BORA: variants seen among roughly 807,000 people sequenced by gnomAD.
BORA encodes the protein protein aurora borealis.
A neutral mutation model predicts 55.8 loss-of-function variants in BORA; 26 were observed. The observed-to-expected ratio is 0.47, with a 90% CI of 0.34 to 0.65. BORA has a LOEUF of 0.65. Among genes scored for constraint, BORA ranks in the 30% least tolerant of loss-of-function variants. BORA has a pLI of 0.01. For synonymous variants in BORA, 201 were observed against 216.9 expected (o/e 0.93, Z 0.64); for missense variants, 568 against 671.5 (o/e 0.85, Z 1.70).
At chr13:72,747,383 C>G (rs35887639) in intron 10 of BORA, among the ~76,000 whole-genome samples, 4,871 of 152,248 alleles carry the variant, frequency 0.032, 115 homozygotes, top group Non-Finnish European at 0.049. Context: ...CTAGAGAAAT[C>G]AATCCTGCTA....
chr13:72,742,193 A>G (rs1251443463), intron 5 of BORA, among the ~76,000 whole-genome samples: 1 of 125,200 alleles, frequency 8.0e-6, no homozygotes, highest in African/African-American at 3.1e-5. Context: ...TAGAATTGTT[A>G]GGTTACTACA....
At position 72,755,976 on chromosome 13, in the gene BORA, G is replaced by C; in HGVS notation, c.*760G>C. The stretch of plus-strand genomic sequence containing the variant: ...GAGAACCAAGAGAAAAAGTGGGGCT[G>C]GGAGAGTGGAGTTCCCGTAGGGCAT... On this transcript the variant is annotated 3_prime_UTR_variant, in exon 12 of 12. Transcript: ENST00000390667. 1 of 398,618 alleles carries C rather than the reference G, an allele frequency of 2.5e-6. No individual in the cohort carries two copies. The allele number at this position is 398,618 out of a possible 1,614,324, so 24.7% of individuals were successfully genotyped here. A position where few individuals can be genotyped will look rare whatever the true frequency, so the allele number is the denominator to read the frequency against.
chr13:72,748,505 A>G (rs1319927040), intron 10 of BORA, among the ~76,000 whole-genome samples: 1 of 152,200 alleles, frequency 6.6e-6, no homozygotes, highest in Non-Finnish European at 1.5e-5. Flanking sequence ...GAAGGATTCT[A>G]AATGACCCAA....
At chr13:72,735,422 G>A (rs2032901738) in intron 4 of BORA, among the ~76,000 whole-genome samples, 1 of 152,062 alleles carries the variant, frequency 6.6e-6, no homozygotes, top group South Asian at 2.1e-4. Flanking sequence ...TTGGCATTGG[G>A]AATGGCTTTG....
rs781769385 is a variant in BORA at position 72,744,564 on chromosome 13, A to G, written c.511+3A>G. 6.3e-7 allele frequency: 1 copy of G among 1,593,480 alleles called. No homozygotes were observed. Among genetic ancestry groups the G allele is most frequent in the South Asian group, 1.1e-5 (1 of 89,938 alleles). On this transcript the variant is annotated splice_donor_region_variant and intron_variant, in intron 7 of 11. Transcript: ENST00000390667. The stretch of plus-strand genomic sequence containing the variant: ...TTTTAATTTAGAAAATATATTAGGT[A>G]AATACTGTATTTGTTTAAACTTTTA...
At chr13:72,732,043 G>A (rs1264446042) in intron 3 of BORA, among the ~76,000 whole-genome samples, 2 of 152,004 alleles carry the variant, frequency 1.3e-5, no homozygotes, top group African/African-American at 2.4e-5. Flanking sequence ...TGTAGTTTTA[G>A]GGACTCTTGT....
Position 72,729,059 on chromosome 13 carries a change from C to T in BORA, c.119C>T (p.Ala40Val), listed in dbSNP as rs201154078. Residue 40 changes from alanine (A) to valine (V), a missense_variant, in exon 2 of 12, where the codon GCC (alanine) becomes GTC (valine). Coordinates refer to ENST00000390667, the MANE Select transcript of BORA (RefSeq NM_024808.5). ...DYSNLHEQTL[A>V]SPSVFKSTKL... ...TCTAATCTCCATGAACAAACTCTCG[C>T]CAGTCCTTCTGTTTTTAAATCAACA... 1.4e-4 allele frequency: 226 copies of T among 1,585,164 alleles called. 1 individual carries two copies. The highest frequency in any genetic ancestry group is 1.8e-4 in the Non-Finnish European group (215 of 1,170,772).
At chr13:72,738,465 A>C (rs1054809582) in intron 5 of BORA, among the ~76,000 whole-genome samples, 2 of 152,134 alleles carry the variant, frequency 1.3e-5, no homozygotes, top group Non-Finnish European at 2.9e-5. Context: ...ACTTAATATG[A>C]CCTCTGGGAC....
intron 9 of BORA, 118 bp downstream of exon 9, chr13:72,746,194 A>G: frequency 5.0e-6 from 5 of 1,003,732 alleles, no homozygotes. Flanking sequence ...ACCTTCTAAC[A>G]TTTAGGAACT....
chr13:72,749,949 G>A (rs1013688662), intron 10 of BORA, among the ~76,000 whole-genome samples: 9 of 152,120 alleles, frequency 5.9e-5, no homozygotes, highest in African/African-American at 2.2e-4. Context: ...CAGCAGTCAT[G>A]CATGTTTTTA....
intron 5 of BORA, among the ~76,000 whole-genome samples, chr13:72,741,262 C>T (rs2033028187): frequency 6.6e-6 from 1 of 152,200 alleles, no homozygotes; most frequent in African/African-American, 2.4e-5. Flanking sequence ...CCCAGCAGTC[C>T]CTAGGGTTCC....
At chr13:72,746,127 T>G (rs2033135776) in intron 9 of BORA, 51 bp downstream of exon 9, 1 of 1,479,356 alleles carries the variant, frequency 6.8e-7, no homozygotes, top group African/African-American at 1.4e-5. Flanking sequence ...TATCAATATT[T>G]GTTATTAGAG....
At chr13:72,753,363 T>G in intron 10 of BORA, 1 of 178,808 alleles carries the variant, frequency 5.6e-6, no homozygotes, top group East Asian at 1.5e-4. Context: ...CGTTGGAAGG[T>G]GAAGTTAGTT....
chr13:72,747,518 G>T (rs916322065), intron 10 of BORA, among the ~76,000 whole-genome samples: 13 of 151,822 alleles, frequency 8.6e-5, no homozygotes, highest in Admixed American at 1.3e-4. Context: ...ATTTAGGGGG[G>T]ATAAAAAGAG....
chr13:72,745,342 A>G, intron 8 of BORA, 135 bp downstream of exon 8: 1 of 720,420 alleles, frequency 1.4e-6, no homozygotes, highest in Non-Finnish European at 2.3e-6. Context: ...AGTGGAAAAG[A>G]GGGATGAGGA....
At chr13:72,749,136 T>G (rs563834339) in intron 10 of BORA, among the ~76,000 whole-genome samples, 12 of 152,220 alleles carry the variant, frequency 7.9e-5, no homozygotes, top group Non-Finnish European at 1.3e-4. Flanking sequence ...ATTGCATGTG[T>G]GATCATGTGT....
At chr13:72,744,163 A>T (rs2033093740) in intron 6 of BORA, among the ~76,000 whole-genome samples, 1 of 152,202 alleles carries the variant, frequency 6.6e-6, no homozygotes, top group South Asian at 2.1e-4. Flanking sequence ...TTCTTGTTCA[A>T]AGCATGTGAA....
chr13:72,746,721 TA>T lies in BORA; in HGVS notation c.1095del (p.Glu366ArgfsTer36). ...AGACTCAAGGTGAAGATGAGGAAGA[TA>T]AAGAGAATATTCCTTCCACAGATGT... ...LETQGEDEED[K>X]ENIPSTDVSS... On this transcript the variant is annotated frameshift_variant, in exon 10 of 12. Transcript: ENST00000390667. LOFTEE classifies it high-confidence loss of function. The T allele has an allele frequency of 6.2e-7, 1 of 1,614,102 alleles. No homozygotes were observed. Among genetic ancestry groups the T allele is most frequent in the Non-Finnish European group, 8.5e-7 (1 of 1,179,994 alleles).
chr13:72,754,435 G>GT (rs1177167200), intron 11 of BORA: 2 of 151,816 alleles, frequency 1.3e-5, no homozygotes, highest in Non-Finnish European at 2.9e-5. Context: ...TCACCCTCCT[G>GT]AGTAGCTAGA....
Sources: gnomAD v4.1 joint callset for allele counts (sites outside exome capture counted in the v4.1 genomes callset) on GRCh38, gnomAD v4.1.1 for gene constraint, MANE v1.5 for transcripts, NCBI Gene and HGNC (gene_info 2026-07-23, HGNC 2026-07-21) for gene names.